Variants in SV2C observed in about 807,000 individuals in gnomAD.
SV2C encodes the protein synaptic vesicle glycoprotein 2C.
SV2C carries 49 observed loss-of-function variants against 79.7 expected under a neutral mutation model. The ratio of observed to expected loss-of-function variants is 0.61; its 90% CI spans 0.49 to 0.78. The LOEUF (loss-of-function observed/expected upper bound fraction) is 0.78, where lower values mean the gene tolerates loss of function less well. Ranked by LOEUF, SV2C falls within the 30% of genes least tolerant of loss-of-function variation. The pLI is 0.00. For missense variants in SV2C, 833 were observed against 912.9 expected (o/e 0.91, Z 1.13); for synonymous variants, 334 against 333.2 (o/e 1.00, Z -0.03).
Position 76,116,692 on chromosome 5 carries a change from T to C in SV2C, c.-101-14958T>C, listed in dbSNP as rs538646677. ...ATGCAGGGAAAACCATCTGCCAGAA[T>C]GCCTTTGGCCATTGGATGGAAGAGA... On this transcript the variant is annotated intron_variant, in intron 1 of 12. Transcript: ENST00000502798. Among the ~76,000 whole-genome samples, 3 of 152,334 alleles carry C rather than the reference T, an allele frequency of 2.0e-5. No homozygotes were observed. In the South Asian group the frequency reaches 6.2e-4, roughly 32 times the overall value.
At chr5:75,924,048 A>G in the SV2C span, among the ~76,000 whole-genome samples, 1 of 152,250 alleles carries the variant, frequency 6.6e-6, no homozygotes, top group African/African-American at 2.4e-5. Context: ...AAAATGTGGT[A>G]TATATACACC....
chr5:75,913,490 G>A, the SV2C span, among the ~76,000 whole-genome samples: 1 of 152,228 alleles, frequency 6.6e-6, no homozygotes. Context: ...AGCCTTGAAA[G>A]GGTTAGGGAT....
At chr5:76,112,124 G>A (rs1403026406) in intron 1 of SV2C, among the ~76,000 whole-genome samples, 3 of 152,202 alleles carry the variant, frequency 2.0e-5, no homozygotes, top group Non-Finnish European at 4.4e-5. Flanking sequence ...AACAAAATAG[G>A]AAGAGTTCCT....
chr5:76,017,480 G>A, the SV2C span, among the ~76,000 whole-genome samples: 9 of 152,092 alleles, frequency 5.9e-5, no homozygotes, highest in African/African-American at 2.2e-4. Flanking sequence ...TAGAGATGGG[G>A]TTTCACCAGG....
At chr5:76,138,996 G>A (rs1053527469) in intron 2 of SV2C, among the ~76,000 whole-genome samples, 11 of 152,086 alleles carry the variant, frequency 7.2e-5, no homozygotes, top group African/African-American at 2.7e-4. Context: ...GCGGGTGCCT[G>A]TAGTCCCAGC....
intron 4 of SV2C, among the ~76,000 whole-genome samples, chr5:76,270,543 G>T (rs899381197): frequency 5.9e-5 from 9 of 152,138 alleles, no homozygotes; most frequent in Non-Finnish European, 1.2e-4. Context: ...CTTATAAAAA[G>T]TTGCAAGTCT....
chr5:76,105,243 A>G (rs1747869432), intron 1 of SV2C, among the ~76,000 whole-genome samples: 1 of 152,162 alleles, frequency 6.6e-6, no homozygotes, highest in Non-Finnish European at 1.5e-5. Flanking sequence ...AAGCCTCCAG[A>G]GGGAGCATTG....
the SV2C span, chr5:75,920,886 G>C: frequency 2.6e-6 from 2 of 756,330 alleles, no homozygotes; most frequent in Non-Finnish European, 4.9e-6. Flanking sequence ...GTCAGCGAAG[G>C]TCAGGGTCAG....
At chr5:75,975,847 C>G in the SV2C span, among the ~76,000 whole-genome samples, 11 of 152,184 alleles carry the variant, frequency 7.2e-5, no homozygotes, top group Admixed American at 6.5e-5. Context: ...GCATCGGTCT[C>G]TCTATCCCTT....
the SV2C span, among the ~76,000 whole-genome samples, chr5:75,937,351 T>G: frequency 3.0e-4 from 46 of 152,290 alleles, no homozygotes; most frequent in African/African-American, 1.1e-3. Context: ...TCAGCATTAC[T>G]TCCTCTTTTA....
chr5:75,857,235 GTGT>G, the SV2C span, among the ~76,000 whole-genome samples: 3 of 152,152 alleles, frequency 2.0e-5, no homozygotes, highest in Non-Finnish European at 4.4e-5. Context: ...GGGATTACAG[GTGT>G]GAGCCACCGC....
At chr5:76,183,655 C>T (rs1743820705) in intron 2 of SV2C, among the ~76,000 whole-genome samples, 1 of 152,086 alleles carries the variant, frequency 6.6e-6, no homozygotes, top group South Asian at 2.1e-4. Context: ...CCAACTTTTC[C>T]TCCAGCCTTC....
chr5:75,852,384 G>A, the SV2C span, among the ~76,000 whole-genome samples: 2 of 151,850 alleles, frequency 1.3e-5, no homozygotes, highest in Non-Finnish European at 2.9e-5. Context: ...TAAGAACAAA[G>A]ATAAATAAAA....
chr5:76,316,673 G>T (rs1175938348), intron 12 of SV2C, among the ~76,000 whole-genome samples: 1 of 152,108 alleles, frequency 6.6e-6, no homozygotes, highest in Non-Finnish European at 1.5e-5. Context: ...ACCTGAGTGG[G>T]TACCATGAGG....
the SV2C span, among the ~76,000 whole-genome samples, chr5:75,929,814 G>C: frequency 1.3e-5 from 2 of 152,064 alleles, no homozygotes; most frequent in Non-Finnish European, 2.9e-5. Context: ...ATTAAGCATG[G>C]TTATTATCTA....
the SV2C span, among the ~76,000 whole-genome samples, chr5:76,048,979 G>GAAAGA: frequency 1.4e-5 from 1 of 72,332 alleles, no homozygotes; most frequent in Non-Finnish European, 2.7e-5. Flanking sequence ...AAGAAAGAAA[G>GAAAGA]AAAGAAAGAA....
the SV2C span, among the ~76,000 whole-genome samples, chr5:75,854,485 A>G: frequency 2.0e-5 from 3 of 152,194 alleles, no homozygotes; most frequent in Admixed American, 2.0e-4. Flanking sequence ...CCCTAATGAC[A>G]TATTCTCATA....
chr5:76,023,500 A>G, the SV2C span, among the ~76,000 whole-genome samples: 1 of 152,040 alleles, frequency 6.6e-6, no homozygotes, highest in African/African-American at 2.4e-5. Flanking sequence ...CCAGAACAGG[A>G]GTACAAGAGC....
At chr5:76,133,158 C>T (rs1199004486) in intron 2 of SV2C, among the ~76,000 whole-genome samples, 6 of 152,090 alleles carry the variant, frequency 3.9e-5, no homozygotes, top group Admixed American at 1.3e-4. Flanking sequence ...GTGAACTCTC[C>T]CCTCAGCAGT....
Sources: allele counts gnomAD v4.1 joint callset (sites outside exome capture counted in the v4.1 genomes callset), GRCh38; gene constraint gnomAD v4.1.1; transcripts MANE v1.5; gene names NCBI Gene and HGNC (gene_info 2026-07-23, HGNC 2026-07-21).